The following LARP1B variants were observed in gnomAD, a reference collection of about 807,000 sequenced individuals.
LARP1B encodes la-related protein 1B.
LARP1B carries 76 observed loss-of-function variants against 114.2 expected under a neutral mutation model. The observed-to-expected ratio is 0.67, with a 90% confidence interval of 0.55 to 0.81. The LOEUF is 0.81. LARP1B is among the 30% of genes least tolerant of loss of function. The pLI is 0.00. For synonymous variants in LARP1B, 345 were observed against 348.0 expected (o/e 0.99, Z 0.10); for missense variants, 1,014 against 1,075.8 (o/e 0.94, Z 0.80).
At position 128,077,869 on chromosome 4, in the gene LARP1B, A is replaced by T; in HGVS notation, c.124A>T (p.Ser42Cys). The change falls in exon 4 of 20, where the codon AGT (serine) becomes TGT (cysteine). Residue 42 changes from serine (S) to cysteine (C), a missense_variant. By Grantham distance (112) the Ser-to-Cys change is moderately radical. Coordinates refer to ENST00000326639, the MANE Select transcript of LARP1B (RefSeq NM_018078.4). ...KEEKVEKRSN[S>C]DSKENRETKL... ...AGAGAAGGTTGAAAAGAGAAGTAAC[A>T]GTGACAGCAAAGAAAACCGGGAAAC... 6.2e-7 allele frequency: 1 copy of T among 1,613,352 alleles called. No homozygotes were observed. The highest frequency in any genetic ancestry group is 8.5e-7 in the Non-Finnish European group (1 of 1,179,564).
chr4:128,177,163 C>CT (rs922404258), intron 13 of LARP1B, among the ~76,000 whole-genome samples: 1 of 151,998 alleles, frequency 6.6e-6, no homozygotes, highest in African/African-American at 2.4e-5. Flanking sequence ...ATGGGAAACA[C>CT]TGAAGGATGT....
intron 10 of LARP1B, among the ~76,000 whole-genome samples, 191 bp from the exon 11 acceptor site, chr4:128,121,635 T>C (rs1580693329): frequency 1.3e-5 from 2 of 152,256 alleles, no homozygotes; most frequent in East Asian, 3.8e-4. Flanking sequence ...TTTATTCAAC[T>C]TTGTGTTTTT....
chr4:128,210,096 G>A lies in LARP1B; in HGVS notation c.*43G>A. ...CTGTGGTCTCAAGAAATGGTGAAAT[G>A]CCTGAGAAATAGACTCTTATGAAAG... is the stretch of plus-strand genomic sequence containing the variant. On this transcript the variant is annotated 3_prime_UTR_variant, in exon 20 of 20. Transcript: ENST00000326639. The A allele has an allele frequency of 6.2e-7, 1 of 1,612,632 alleles. No homozygotes were observed. The highest frequency in any genetic ancestry group is 8.5e-7 in the Non-Finnish European group (1 of 1,178,924).
At chr4:128,156,267 C>A in intron 11 of LARP1B, 1 of 1,064,994 alleles carries the variant, frequency 9.4e-7, no homozygotes, top group Non-Finnish European at 1.4e-6. Flanking sequence ...CTTCCCCCAC[C>A]AGTCCAGCTG....
intron 3 of LARP1B, among the ~76,000 whole-genome samples, chr4:128,076,149 T>C (rs1767765933): frequency 6.6e-6 from 1 of 152,024 alleles, no homozygotes; most frequent in East Asian, 1.9e-4. Context: ...GAGTAGCTGG[T>C]ATTACAGGCA....
chr4:128,101,700 G>A (rs925921767), intron 8 of LARP1B, among the ~76,000 whole-genome samples: 7 of 151,600 alleles, frequency 4.6e-5, no homozygotes, highest in Non-Finnish European at 1.0e-4. Flanking sequence ...GGTTGGTCTC[G>A]AACTCCTGGC....
At chr4:128,079,669 T>G (rs1011193930) in intron 4 of LARP1B, among the ~76,000 whole-genome samples, 5 of 152,090 alleles carry the variant, frequency 3.3e-5, no homozygotes, top group African/African-American at 1.2e-4. Context: ...GCTCAAGTGA[T>G]CCTCCCACCT....
chr4:128,094,092 A>T (rs1181240281), intron 7 of LARP1B, among the ~76,000 whole-genome samples: 1 of 150,264 alleles, frequency 6.7e-6, no homozygotes, highest in African/African-American at 2.5e-5. Context: ...TTGAGATGCT[A>T]ATTTTTGTAT....
rs770045140 is a variant in LARP1B, at chr4:128,121,840, C to T, written c.1176C>T (p.Val392=). 59 of 1,580,952 alleles carry T rather than the reference C, an allele frequency of 3.7e-5. No individual in the cohort carries two copies. Among genetic ancestry groups the T allele is most frequent in the Admixed American group, 7.3e-5 (4 of 54,796 alleles). The change falls in exon 11 of 20, where the codon GTC becomes GTT. Residue 392 remains valine (V), a synonymous_variant. Coordinates refer to ENST00000326639, the MANE Select transcript of LARP1B (RefSeq NM_018078.4). ...APVKLRESVS[V]PEGSLNQLCS... ...TCTTCCTTCAGGAATCAGTGTCTGT[C>T]CCTGAAGGGTCATTAAATCAGCTAT...
chr4:128,112,317 G>T (rs1282433976), intron 9 of LARP1B, among the ~76,000 whole-genome samples: 1 of 151,860 alleles, frequency 6.6e-6, no homozygotes, highest in East Asian at 1.9e-4. Context: ...TATGCTCAGT[G>T]TAAAAATTAA....
chr4:128,132,463 C>G (rs1204834892), intron 11 of LARP1B, among the ~76,000 whole-genome samples: 1 of 152,072 alleles, frequency 6.6e-6, no homozygotes, highest in Admixed American at 6.5e-5. Flanking sequence ...CCAGGCTGGT[C>G]TCAAACTCCT....
chr4:128,087,442 A>C (rs978638186), intron 5 of LARP1B, among the ~76,000 whole-genome samples: 2 of 152,214 alleles, frequency 1.3e-5, no homozygotes, highest in African/African-American at 4.8e-5. Context: ...TTTGATTAAA[A>C]AAATTTCCAA....
chr4:128,179,404 A>G lies in LARP1B; in HGVS notation c.1897-2A>G. On this transcript the variant is annotated splice_acceptor_variant, in intron 14 of 19. Transcript: ENST00000326639. LOFTEE classifies it high-confidence loss of function. ...TGCAATGCTTGACTTTATTTTCTTT[A>G]GAGTCCAAGAAAGAGAAAAACAAGG... is the stretch of plus-strand genomic sequence containing the variant. The G allele has an allele frequency of 6.3e-7, 1 of 1,580,384 alleles. No homozygotes were observed. The highest frequency in any genetic ancestry group is 8.6e-7 in the Non-Finnish European group (1 of 1,161,028).
chr4:128,145,657 G>C (rs920872752), intron 11 of LARP1B, among the ~76,000 whole-genome samples: 7 of 152,168 alleles, frequency 4.6e-5, no homozygotes, highest in African/African-American at 1.7e-4. Flanking sequence ...CAGCTCAGCA[G>C]GACAGTTATA....
In LARP1B at chr4:128,117,768, C is replaced by T. The variant is rs532856240; in HGVS notation, c.1161+3026C>T. Among the ~76,000 whole-genome samples, 5 of 152,190 alleles carry T rather than the reference C, an allele frequency of 3.3e-5. No individual in the cohort carries two copies. In the East Asian group the frequency reaches 9.7e-4, roughly 29 times the overall value. On this transcript the variant is annotated intron_variant, in intron 10 of 19. Coordinates refer to ENST00000326639, the MANE Select transcript of LARP1B (RefSeq NM_018078.4). ...CTCCTGACCTCAGGTGAACCGCTGG[C>T]CTCGGCCTCCCAAAGTGTTGGGATT...
chr4:128,208,531 G>A (rs1171949425), intron 19 of LARP1B, among the ~76,000 whole-genome samples: 1 of 152,196 alleles, frequency 6.6e-6, no homozygotes, highest in Non-Finnish European at 1.5e-5. Flanking sequence ...GGCCTAGCCA[G>A]TTCTGTCACA....
intron 9 of LARP1B, among the ~76,000 whole-genome samples, chr4:128,109,721 TTC>T (rs1295647378): frequency 6.6e-6 from 1 of 152,018 alleles, no homozygotes; most frequent in Non-Finnish European, 1.5e-5. Context: ...TCTTTTTTTT[TTC>T]CCCTTGACTC....
In LARP1B at chr4:128,065,317, C is replaced by CTTTCTTTCTT. The variant is rs781646479; in HGVS notation, c.-78+3917_-78+3918insTTCTTTCTTT. On this transcript the variant is annotated intron_variant, in intron 1 of 19. Coordinates refer to ENST00000326639, the MANE Select transcript of LARP1B (RefSeq NM_018078.4). ...TCTTTCTTTCTTTCTTTCTTTCTTT[C>CTTTCTTTCTT]TCTCTCTCTCTCTCTTTCCTTTCTT... 1.8e-3 allele frequency among the ~76,000 whole-genome samples: 139 copies of CTTTCTTTCTT among 76,976 alleles called. 1 individual carries two copies. Among genetic ancestry groups the CTTTCTTTCTT allele is most frequent in the African/African-American group, 2.8e-3 (63 of 22,158 alleles). The allele number at this position is 76,976 out of a possible 152,430, so 50.5% of individuals were successfully genotyped here.
chr4:128,083,789 C>T (rs1487836067), intron 5 of LARP1B, among the ~76,000 whole-genome samples: 4 of 146,030 alleles, frequency 2.7e-5, no homozygotes, highest in South Asian at 2.2e-4. Context: ...GGCGGCTGGC[C>T]GGGCGGGGGG....
Sources: gnomAD v4.1 joint callset for allele counts (sites outside exome capture counted in the v4.1 genomes callset) on GRCh38, gnomAD v4.1.1 for gene constraint, MANE v1.5 for transcripts, NCBI Gene and HGNC (gene_info 2026-07-23, HGNC 2026-07-21) for gene names.